BRAP: variants seen among roughly 807,000 people sequenced by gnomAD.
The protein encoded by BRAP is BRCA1 associated protein.
In BRAP, 42 loss-of-function variants were observed where a neutral mutation model predicts 73.4. The observed-to-expected ratio is 0.57, with a 90% CI of 0.45 to 0.74. The LOEUF (loss-of-function observed/expected upper bound fraction) is 0.74. BRAP is among the 30% of genes least tolerant of loss of function. The pLI is 0.00. For synonymous variants in BRAP, 255 were observed against 267.4 expected (o/e 0.95, Z 0.45); for missense variants, 593 against 751.4 (o/e 0.79, Z 2.46).
intron 8 of BRAP, 135 bp downstream of exon 8, chr12:111,659,072 C>A (rs952855513): frequency 2.7e-6 from 3 of 1,122,022 alleles, no homozygotes; most frequent in Non-Finnish European, 3.8e-6. Context: ...ATAGTGCCCT[C>A]AGGGAAACTG....
chr12:111,647,148 T>C (rs753201684), intron 11 of BRAP, among the ~76,000 whole-genome samples: 17 of 152,146 alleles, frequency 1.1e-4, no homozygotes, highest in Non-Finnish European at 2.2e-4. Flanking sequence ...CACACACCTG[T>C]AGTCCTAGCT....
Position 111,681,806 on chromosome 12 carries a change from TC to T in BRAP, c.273del (p.Lys92SerfsTer20). On this transcript the variant is annotated frameshift_variant, in exon 3 of 12. Transcript: ENST00000419234. LOFTEE classifies it high-confidence loss of function. ...GCAGTGGGGGAGGCTTCTGAAGACT[TC>T]CTTTCTTCCACTGTAGTTTTTAGTT... ...PDELKTTVEE[R>X]KSSEASPTAQ... 6.2e-7 allele frequency: 1 copy of T among 1,611,778 alleles called. No homozygotes were observed. Among genetic ancestry groups the T allele is most frequent in the Non-Finnish European group, 8.5e-7 (1 of 1,179,208 alleles).
chr12:111,648,649 T>C (rs1592966879), intron 11 of BRAP, among the ~76,000 whole-genome samples: 2 of 147,646 alleles, frequency 1.4e-5, no homozygotes, highest in East Asian at 4.0e-4. Context: ...AAAGATGGGC[T>C]GGGCACGGTG....
At chr12:111,654,303 C>G (rs1480756083) in intron 10 of BRAP, among the ~76,000 whole-genome samples, 1 of 151,260 alleles carries the variant, frequency 6.6e-6, no homozygotes, top group African/African-American at 2.4e-5. Context: ...AACTGCAGAT[C>G]ATTTTAAAAC....
intron 6 of BRAP, among the ~76,000 whole-genome samples, chr12:111,662,024 C>T (rs138389257): frequency 2.0e-5 from 3 of 152,306 alleles, no homozygotes; most frequent in East Asian, 1.9e-4. Flanking sequence ...TATCTCACTG[C>T]ACCGTGAACA....
Position 111,659,262 on chromosome 12 carries a change from C to T in BRAP, c.1056G>A (p.Thr352=), listed in dbSNP as rs904857545. Residue 352 remains threonine, a synonymous_variant, in exon 8 of 12, where the codon ACG becomes ACA. Transcript: ENST00000419234. ...TAAGCTGCATGGCATACGTGTGCTG[C>T]GTTTCCTCAAAGTGCTTATAAGCAT... ...SRHAYKHFEE[T]QHTYAMQLTN... 8.1e-6 allele frequency: 13 copies of T among 1,613,974 alleles called. No individual in the cohort carries two copies. Among genetic ancestry groups the T allele is most frequent in the South Asian group, 2.2e-5 (2 of 91,084 alleles).
intron 4 of BRAP, 119 bp downstream of exon 4, chr12:111,679,032 T>C: frequency 1.6e-6 from 1 of 623,152 alleles, no homozygotes; most frequent in Non-Finnish European, 2.5e-6. Context: ...AATTATATCT[T>C]AGAAGACATC....
intron 5 of BRAP, 75 bp downstream of exon 5, chr12:111,672,586 T>A: frequency 1.5e-6 from 2 of 1,355,544 alleles, no homozygotes; most frequent in Non-Finnish European, 2.0e-6. Flanking sequence ...TCTGGGTATT[T>A]CACAGATACC....
chr12:111,655,511 T>A (rs1331508621), intron 10 of BRAP, 55 bp downstream of exon 10: 2 of 1,429,442 alleles, frequency 1.4e-6, no homozygotes, highest in Non-Finnish European at 2.0e-6. Flanking sequence ...ACACCCCCCA[T>A]CAGAGTGCCC....
At chr12:111,670,070 G>T in intron 5 of BRAP, 1 of 626,268 alleles carries the variant, frequency 1.6e-6, no homozygotes, top group Non-Finnish European at 3.1e-6. Flanking sequence ...CTGAAAAAGT[G>T]CTTGGAGCAA....
intron 10 of BRAP, among the ~76,000 whole-genome samples, chr12:111,653,620 A>G (rs1886406181): frequency 1.3e-5 from 2 of 151,780 alleles, no homozygotes; most frequent in African/African-American, 4.8e-5. Flanking sequence ...GAAGCCCACA[A>G]TGAATTTCAA....
At chr12:111,667,139 T>C (rs1375345282) in intron 5 of BRAP, among the ~76,000 whole-genome samples, 3 of 152,194 alleles carry the variant, frequency 2.0e-5, no homozygotes, top group African/African-American at 7.2e-5. Context: ...AATTAAATCA[T>C]GTAAGAACTA....
At chr12:111,656,949 C>T (rs374336243) in intron 9 of BRAP, among the ~76,000 whole-genome samples, 5 of 151,958 alleles carry the variant, frequency 3.3e-5, no homozygotes, top group African/African-American at 7.2e-5. Context: ...GTTATGTTGC[C>T]GAGGCTGGTT....
At chr12:111,659,962 T>C (rs1010828365) in intron 7 of BRAP, among the ~76,000 whole-genome samples, 8 of 151,902 alleles carry the variant, frequency 5.3e-5, no homozygotes, top group Non-Finnish European at 8.8e-5. Context: ...TGGTCCCAGC[T>C]GCTTGGGAAG....
intron 6 of BRAP, among the ~76,000 whole-genome samples, chr12:111,663,758 A>C (rs1480591538): frequency 6.6e-6 from 1 of 152,164 alleles, no homozygotes; most frequent in Non-Finnish European, 1.5e-5. Context: ...CTGTCTCAGC[A>C]TCTCTCACAG....
intron 6 of BRAP, among the ~76,000 whole-genome samples, chr12:111,662,945 T>TAAAAAAA (rs76679225): frequency 5.2e-5 from 6 of 115,000 alleles, no homozygotes; most frequent in Admixed American, 8.9e-5. Flanking sequence ...AAAGCCCTTC[T>TAAAAAAA]AAAAAAAAAA....
intron 2 of BRAP, 47 bp downstream of exon 2, chr12:111,683,099 C>A: frequency 6.4e-7 from 1 of 1,571,426 alleles, no homozygotes; most frequent in Non-Finnish European, 8.6e-7. Context: ...AAATAGGCAA[C>A]CAGTGTTCAC....
At position 111,644,099 on chromosome 12, in the gene BRAP, T is replaced by C. The variant is rs565386792; in HGVS notation, c.*100A>G. 4.7e-5 allele frequency: 69 copies of C among 1,482,858 alleles called. No individual in the cohort carries two copies. In the Middle Eastern group the frequency reaches 1.3e-3, roughly 27 times the overall value. The allele number at this position is 1,482,858 out of a possible 1,614,324, so 91.9% of individuals were successfully genotyped here. On this transcript the variant is annotated 3_prime_UTR_variant, in exon 12 of 12. Coordinates refer to ENST00000419234, the MANE Select transcript of BRAP (RefSeq NM_006768.5). ...CAAACAACTGTGGCTTGATCCTCACTTGTACTTATTAGGGCCCACCCTCAC... is the reference window on the plus strand; with the variant it reads ...CAAACAACTGTGGCTTGATCCTCACCTGTACTTATTAGGGCCCACCCTCAC...
chr12:111,665,532 G>C lies in BRAP; in HGVS notation c.896+107C>G. On this transcript the variant is annotated intron_variant, in intron 6 of 11. Coordinates refer to ENST00000419234, the MANE Select transcript of BRAP (RefSeq NM_006768.5). This position sits in a 1 kb window ranked among gnomAD's most constrained non-coding sequence, Gnocchi z 4.3. ...AAGGGAAGGAGAAAAAGGACCTCTTGAATAAAGTCAAATACTTGGAATGGT... is the reference window on the plus strand; with the variant it reads ...AAGGGAAGGAGAAAAAGGACCTCTTCAATAAAGTCAAATACTTGGAATGGT... 4.8e-6 allele frequency: 7 copies of C among 1,460,896 alleles called. 1 individual carries two copies. The South Asian group carries it at 9.5e-5, about 20-fold the overall frequency. The allele number at this position is 1,460,896 out of a possible 1,614,324, so 90.5% of individuals were successfully genotyped here. A position where few individuals can be genotyped will look rare whatever the true frequency, so the allele number is the denominator to read the frequency against.
Sources: allele counts gnomAD v4.1 joint callset (sites outside exome capture counted in the v4.1 genomes callset), GRCh38; gene constraint gnomAD v4.1.1; non-coding constraint Gnocchi (gnomAD v3.1); transcripts MANE v1.5; gene names NCBI Gene and HGNC (gene_info 2026-07-23, HGNC 2026-07-21).